Variants in HMCN1 observed in about 807,000 individuals in gnomAD.
HMCN1 encodes the protein hemicentin 1.
In HMCN1, 321 loss-of-function variants were observed where a neutral mutation model predicts 625.9. The observed-to-expected ratio is 0.51, with a 90% CI of 0.47 to 0.56. HMCN1 has a LOEUF of 0.56. Ranked by LOEUF, HMCN1 falls within the 20% of genes least tolerant of loss-of-function variation. The probability of loss-of-function intolerance (pLI) is 0.00; values close to 1 mark genes in which losing one functional copy is unlikely to be tolerated. For missense variants in HMCN1, 6,588 were observed against 6,887.3 expected (o/e 0.96, Z 1.54); for synonymous variants, 2,425 against 2,417.6 (o/e 1.00, Z -0.09).
chr1:185,875,056 G>A (rs1421753606), intron 4 of HMCN1, among the ~76,000 whole-genome samples: 1 of 151,672 alleles, frequency 6.6e-6, no homozygotes, highest in Non-Finnish European at 1.5e-5. Context: ...TTTGAACAAT[G>A]TTTCTTAAAA....
chr1:185,742,860 C>T (rs902000641), intron 1 of HMCN1, among the ~76,000 whole-genome samples: 2 of 152,106 alleles, frequency 1.3e-5, no homozygotes, highest in African/African-American at 2.4e-5. Context: ...TTTTGCTATG[C>T]GTAACAAAGA....
chr1:185,752,011 A>G (rs1654846045), intron 1 of HMCN1, among the ~76,000 whole-genome samples: 2 of 152,020 alleles, frequency 1.3e-5, no homozygotes, highest in Admixed American at 6.6e-5. Context: ...CTGTCAATGC[A>G]TCTTGAACAG....
At chr1:185,758,165 GC>G (rs1369289542) in intron 1 of HMCN1, among the ~76,000 whole-genome samples, 4 of 152,218 alleles carry the variant, frequency 2.6e-5, no homozygotes, top group South Asian at 2.1e-4. Flanking sequence ...TCTTCAACAT[GC>G]CCATGCCATT....
At chr1:186,048,530 TTAAAA>T (rs1276370014) in intron 41 of HMCN1, among the ~76,000 whole-genome samples, 2 of 152,096 alleles carry the variant, frequency 1.3e-5, no homozygotes, top group African/African-American at 4.8e-5. Flanking sequence ...ATAAACCAGA[TTAAAA>T]TAAGGTATGG....
rs777945939 is a variant in HMCN1 at position 185,810,156 on chromosome 1, C to T, written c.269-35870C>T. ...GCCTTCATCACACTATTAAATAGAA[C>T]GAGGAGGAGACATATTCTGCAATTA... On this transcript the variant is annotated intron_variant, in intron 1 of 106. Coordinates refer to ENST00000271588, the MANE Select transcript of HMCN1 (RefSeq NM_031935.3). 3.5e-4 allele frequency among the ~76,000 whole-genome samples: 53 copies of T among 152,050 alleles called. 1 individual carries two copies. Among genetic ancestry groups the T allele is most frequent in the Admixed American group, 1.4e-3 (21 of 15,256 alleles).
rs531264179 is a variant in HMCN1, at chr1:185,868,591, T to C, written c.621+2728T>C. Among the ~76,000 whole-genome samples the C allele has an allele frequency of 6.1e-3, 934 of 152,282 alleles. 3 individuals carry two copies. The highest frequency in any genetic ancestry group is 0.011 in the Non-Finnish European group (753 of 68,024). On this transcript the variant is annotated intron_variant, in intron 4 of 106. Transcript: ENST00000271588. The stretch of plus-strand genomic sequence containing the variant: ...GTGTTCACTCCCCCTTCCGTCATGA[T>C]TATAAGTTTTCTGAGGCCTCCCCAA...
At chr1:185,945,672 G>T (rs1026968023) in intron 11 of HMCN1, among the ~76,000 whole-genome samples, 2 of 152,172 alleles carry the variant, frequency 1.3e-5, no homozygotes, top group African/African-American at 4.8e-5. Flanking sequence ...ACTAGAAGAT[G>T]ACTAAAAGGT....
chr1:186,077,259 A>G (rs1571316196), intron 54 of HMCN1, among the ~76,000 whole-genome samples: 1 of 152,200 alleles, frequency 6.6e-6, no homozygotes, highest in East Asian at 1.9e-4. Context: ...GACTAAGTAG[A>G]TAGGGTAACT....
At chr1:185,974,784 A>T (rs1010264490) in intron 15 of HMCN1, among the ~76,000 whole-genome samples, 8 of 152,196 alleles carry the variant, frequency 5.3e-5, no homozygotes, top group African/African-American at 1.9e-4. Flanking sequence ...ATACCAGTAC[A>T]TATATTCTTT....
rs1393749923 is a variant in HMCN1 at position 185,970,323 on chromosome 1, G to A, written c.2213-12G>A. On this transcript the variant is annotated splice_polypyrimidine_tract_variant and intron_variant, in intron 14 of 106. Coordinates refer to ENST00000271588, the MANE Select transcript of HMCN1 (RefSeq NM_031935.3). ...TTTAGTGTTTAATGTTCTCCCCTTT[G>A]TTTTGACTTAGGAGATCTTGAGTTG... is the stretch of plus-strand genomic sequence containing the variant. The A allele has an allele frequency of 1.2e-6, 2 of 1,611,106 alleles. No homozygotes were observed. Among genetic ancestry groups the A allele is most frequent in the African/African-American group, 2.7e-5 (2 of 74,960 alleles).
At position 186,153,848 on chromosome 1, in the gene HMCN1, G is replaced by A; in HGVS notation, c.15117G>A (p.Trp5039Ter). 3.1e-6 allele frequency: 5 copies of A among 1,614,112 alleles called. No individual in the cohort carries two copies. The highest frequency in any genetic ancestry group is 4.2e-6 in the Non-Finnish European group (5 of 1,180,010). ...TIDGISIPYT[W>*]NHTVFYDQAQ... is the part of the protein sequence containing the mutation. ...ATGGCATCAGCATCCCATACACATG[G>A]AACCACACCGTTTTCTATGATCAGG... Residue 5039 changes from tryptophan to a stop codon, truncating the protein, a stop_gained, in exon 97 of 107, where the codon TGG becomes TGA. Coordinates refer to ENST00000271588, the MANE Select transcript of HMCN1 (RefSeq NM_031935.3). LOFTEE classifies it high-confidence loss of function.
At chr1:186,132,278 C>T (rs1299887056) in intron 85 of HMCN1, 50 bp from the exon 86 acceptor site, 4 of 1,308,682 alleles carry the variant, frequency 3.1e-6, no homozygotes, top group East Asian at 2.4e-5. Context: ...AAAGTGATTG[C>T]CCTGCTCTGT....
chr1:185,990,242 C>T, intron 21 of HMCN1, 33 bp from the exon 22 acceptor site: 1 of 1,591,516 alleles, frequency 6.3e-7, no homozygotes, highest in Non-Finnish European at 8.6e-7. Context: ...TTTCAATATA[C>T]TGTTTCCCTT....
At chr1:185,979,437 A>C (rs1489216600) in intron 16 of HMCN1, among the ~76,000 whole-genome samples, 1 of 152,210 alleles carries the variant, frequency 6.6e-6, no homozygotes, top group East Asian at 1.9e-4. Context: ...TGATTAAAGG[A>C]GACAAAAGAA....
chr1:186,113,979 T>G lies in HMCN1; in HGVS notation c.11132T>G (p.Val3711Gly), dbSNP rs778474664. 6.2e-7 allele frequency: 1 copy of G among 1,614,094 alleles called. No homozygotes were observed. The highest frequency in any genetic ancestry group is 1.1e-5 in the South Asian group (1 of 91,084). ...TTREFILTVN[V>G]PPNIKGGPQS... is the part of the protein sequence containing the mutation. Reference sequence around the variant, plus strand: ...TTTTTCATGTGTATCTCTTGTTCAGTTCCTCCAAACATAAAGGGGGGCCCC... The same window carrying G: ...TTTTTCATGTGTATCTCTTGTTCAGGTCCTCCAAACATAAAGGGGGGCCCC... The change falls in exon 73 of 107, where the codon GTT becomes GGT. Residue 3711 changes from valine to glycine, a missense_variant and splice_region_variant. Coordinates refer to ENST00000271588, the MANE Select transcript of HMCN1 (RefSeq NM_031935.3).
At chr1:185,956,230 C>T (rs116861705) in intron 11 of HMCN1, among the ~76,000 whole-genome samples, 1 of 152,124 alleles carries the variant, frequency 6.6e-6, no homozygotes, top group East Asian at 1.9e-4. Context: ...AGCAGTTCTC[C>T]AGCAGACACC....
At chr1:185,808,248 G>A (rs1659298392) in intron 1 of HMCN1, among the ~76,000 whole-genome samples, 1 of 152,132 alleles carries the variant, frequency 6.6e-6, no homozygotes, top group Non-Finnish European at 1.5e-5. Flanking sequence ...TTGGGGCACT[G>A]CGGCACGAGA....
intron 1 of HMCN1, among the ~76,000 whole-genome samples, chr1:185,817,656 A>G (rs1039973719): frequency 2.0e-5 from 3 of 152,162 alleles, no homozygotes; most frequent in Non-Finnish European, 2.9e-5. Context: ...AGTTTCAAGA[A>G]TTGTTGATTT....
intron 1 of HMCN1, among the ~76,000 whole-genome samples, chr1:185,777,439 A>G (rs1247471437): frequency 6.6e-6 from 1 of 151,590 alleles, no homozygotes; most frequent in Admixed American, 6.6e-5. Flanking sequence ...GCGGTGCACT[A>G]TGCTTGCTTT....
Sources: gnomAD v4.1 joint callset for allele counts (sites outside exome capture counted in the v4.1 genomes callset) on GRCh38, gnomAD v4.1.1 for gene constraint, MANE v1.5 for transcripts, NCBI Gene and HGNC (gene_info 2026-07-23, HGNC 2026-07-21) for gene names.